The following GRM5 variants were observed in gnomAD, a reference collection of about 807,000 sequenced individuals.
GRM5 encodes the protein metabotropic glutamate receptor 5.
Under a neutral mutation model 83.1 loss-of-function variants are expected in GRM5, and 19 were observed. That is an observed-to-expected ratio of 0.23 (90% CI 0.16 to 0.34). The LOEUF (loss-of-function observed/expected upper bound fraction) is 0.34. Ranked by LOEUF, GRM5 falls within the 10% of genes least tolerant of loss-of-function variation. GRM5 has a pLI of 1.00. For missense variants in GRM5, 1,160 were observed against 1,588.3 expected (o/e 0.73, Z 4.58); for synonymous variants, 675 against 633.6 (o/e 1.07, Z -0.98).
At chr11:88,687,014 C>T (rs1940643548) in intron 3 of GRM5, among the ~76,000 whole-genome samples, 1 of 151,956 alleles carries the variant, frequency 6.6e-6, no homozygotes, top group African/African-American at 2.4e-5. Context: ...ATTTCCTTTC[C>T]CAAGCCCTGA....
intron 3 of GRM5, among the ~76,000 whole-genome samples, chr11:88,741,551 C>A (rs779631844): frequency 2.8e-4 from 43 of 152,060 alleles, no homozygotes; most frequent in Non-Finnish European, 4.6e-4. Context: ...GCATTCACTC[C>A]TTATCAAACA....
chr11:88,726,279 A>G (rs1941678346), intron 3 of GRM5, among the ~76,000 whole-genome samples: 1 of 152,192 alleles, frequency 6.6e-6, no homozygotes, highest in South Asian at 2.1e-4. Context: ...AAGCAGAAGA[A>G]AGGATATCAG....
chr11:88,873,161 C>T (rs973847198), intron 2 of GRM5, among the ~76,000 whole-genome samples: 1 of 151,518 alleles, frequency 6.6e-6, no homozygotes, highest in Admixed American at 6.6e-5. Context: ...CAGGATATAA[C>T]AAATATAAAT....
intron 8 of GRM5, among the ~76,000 whole-genome samples, chr11:88,559,517 C>T (rs571607045): frequency 6.6e-6 from 1 of 152,230 alleles, no homozygotes; most frequent in Non-Finnish European, 1.5e-5. Context: ...AATGCCTACC[C>T]CATAGATTGT....
chr11:88,994,474 T>TAG (rs1312090393), intron 2 of GRM5, among the ~76,000 whole-genome samples: 1 of 136,508 alleles, frequency 7.3e-6, no homozygotes, highest in Non-Finnish European at 1.6e-5. Flanking sequence ...TATATATATA[T>TAG]ATATATATAT....
At chr11:89,023,905 T>G (rs530361442) in intron 2 of GRM5, among the ~76,000 whole-genome samples, 2 of 148,304 alleles carry the variant, frequency 1.3e-5, no homozygotes, top group Non-Finnish European at 3.0e-5. Flanking sequence ...AAAAATAAAT[T>G]TTAAAATAAT....
chr11:89,029,102 G>C (rs1044732111), intron 2 of GRM5, among the ~76,000 whole-genome samples: 1 of 152,174 alleles, frequency 6.6e-6, no homozygotes, highest in African/African-American at 2.4e-5. Context: ...CCCTGCAAAG[G>C]ACGTGAACTC....
rs559360397 is a variant in GRM5, at chr11:89,006,891, G to A, written c.661+40321C>T. Among the ~76,000 whole-genome samples the A allele has an allele frequency of 3.9e-5, 6 of 152,222 alleles. No homozygotes were observed. The South Asian group carries it at 8.3e-4, about 21-fold the overall frequency. ...CGGCTCACTGCAAGCTCCGCCTCCC[G>A]GGTTCACGCCGTTCTCCTGCCCAAG... is the stretch of plus-strand genomic sequence containing the variant. On this transcript the variant is annotated intron_variant, in intron 2 of 9. Transcript: ENST00000305447.
intron 4 of GRM5, among the ~76,000 whole-genome samples, chr11:88,612,143 G>C (rs1343787006): frequency 3.4e-5 from 4 of 116,248 alleles, no homozygotes; most frequent in African/African-American, 1.3e-4. Flanking sequence ...ACAGTCCCCA[G>C]AGTGTGATAT....
chr11:88,720,807 TGTGTGTGTGTGTGC>T (rs57928738), intron 3 of GRM5, among the ~76,000 whole-genome samples: 1,830 of 133,422 alleles, frequency 0.014, 30 homozygotes, highest in African/African-American at 0.046. Context: ...TGTGTGTGTG[TGTGTGTGTGTGTGC>T]GTGTGTGTGT....
chr11:88,638,159 G>A (rs960416680), intron 4 of GRM5, among the ~76,000 whole-genome samples: 1 of 111,540 alleles, frequency 9.0e-6, no homozygotes, highest in Non-Finnish European at 1.7e-5. Context: ...CTGTGGTGGG[G>A]TGGGGGGAGG....
chr11:88,875,629 T>G (rs1187059058), intron 2 of GRM5, among the ~76,000 whole-genome samples: 1 of 152,084 alleles, frequency 6.6e-6, no homozygotes, highest in Non-Finnish European at 1.5e-5. Flanking sequence ...GTGGCAGCTA[T>G]AGCATTATGA....
At chr11:88,728,909 C>G (rs1291852247) in intron 3 of GRM5, among the ~76,000 whole-genome samples, 1 of 152,108 alleles carries the variant, frequency 6.6e-6, no homozygotes, top group East Asian at 1.9e-4. Flanking sequence ...AACTCACAGC[C>G]AATATCACAC....
chr11:89,005,519 T>A (rs1251781342), intron 2 of GRM5, among the ~76,000 whole-genome samples: 1 of 152,228 alleles, frequency 6.6e-6, no homozygotes, highest in East Asian at 1.9e-4. Context: ...TATATTATAA[T>A]CTACATCGAA....
chr11:88,712,598 C>T (rs1462520963), intron 3 of GRM5, among the ~76,000 whole-genome samples: 1 of 151,972 alleles, frequency 6.6e-6, no homozygotes, highest in Non-Finnish European at 1.5e-5. Flanking sequence ...GTAGAGGCAA[C>T]TCAGTCATCT....
At chr11:88,989,927 C>T (rs1939900853) in intron 2 of GRM5, among the ~76,000 whole-genome samples, 1 of 151,566 alleles carries the variant, frequency 6.6e-6, no homozygotes, top group African/African-American at 2.4e-5. Flanking sequence ...CCAAAATTGA[C>T]ACCCTAACAT....
intron 6 of GRM5, 84 bp from the exon 7 acceptor site, chr11:88,590,811 A>C: frequency 1.0e-6 from 1 of 954,836 alleles, no homozygotes; most frequent in Non-Finnish European, 1.6e-6. Flanking sequence ...TGTTTTGCAA[A>C]GCAGAAAGGC....
rs772611572 is a variant in GRM5 at position 88,567,157 on chromosome 11, C to G, written c.2526G>C (p.Val842=). The G allele has an allele frequency of 3.1e-6, 5 of 1,613,930 alleles. No homozygotes were observed. In the Admixed American group the frequency reaches 6.7e-5, roughly 22 times the overall value. Residue 842 remains valine, a synonymous_variant, in exon 8 of 10, where the codon GTG becomes GTC. Coordinates refer to ENST00000305447, the MANE Select transcript of GRM5 (RefSeq NM_001143831.3). The surrounding 1 kb of genome is among the most constrained non-coding windows in gnomAD (Gnocchi z 7.3). ...TGCCATCCCCTACATGCATGCGCACCACGGTAGATGTGGTGAAGGCGCTGC... is the reference window on the plus strand; with the variant it reads ...TGCCATCCCCTACATGCATGCGCACGACGGTAGATGTGGTGAAGGCGCTGC... The part of the protein sequence containing the change: ...NVRSAFTTST[V]VRMHVGDGKS...
chr11:88,719,824 G>A (rs1421455979), intron 3 of GRM5, among the ~76,000 whole-genome samples: 1 of 151,994 alleles, frequency 6.6e-6, no homozygotes, highest in African/African-American at 2.4e-5. Flanking sequence ...GTGATGTTGG[G>A]CATTTTATCA....
Sources: gnomAD v4.1 joint callset for allele counts (sites outside exome capture counted in the v4.1 genomes callset) on GRCh38, gnomAD v4.1.1 for gene constraint, Gnocchi (gnomAD v3.1) non-coding constraint, MANE v1.5 for transcripts, NCBI Gene and HGNC (gene_info 2026-07-23, HGNC 2026-07-21) for gene names.